Variants in BIRC6 observed in about 807,000 individuals in gnomAD.
BIRC6 encodes dual E2 ubiquitin-conjugating enzyme/E3 ubiquitin-protein ligase BIRC6.
A neutral mutation model predicts 503.3 loss-of-function variants in BIRC6; 98 were observed. The observed-to-expected ratio is 0.19, with a 90% CI of 0.17 to 0.23. The LOEUF (loss-of-function observed/expected upper bound fraction) is 0.23, where lower values mean the gene tolerates loss of function less well. Ranked by LOEUF, BIRC6 falls within the 10% of genes least tolerant of loss-of-function variation. The pLI, the probability that BIRC6 is intolerant of heterozygous loss-of-function variation, is 1.00. For missense variants in BIRC6, 5,360 were observed against 5,806.0 expected, an observed-to-expected ratio of 0.92 and a Z score of 2.50; for synonymous variants, 2,240 against 2,078.7, an observed-to-expected ratio of 1.08 and a Z score of -2.11.
intron 1 of BIRC6, among the ~76,000 whole-genome samples, chr2:32,369,495 T>G (rs1281787403): frequency 2.0e-5 from 3 of 149,340 alleles, no homozygotes; most frequent in Non-Finnish European, 4.5e-5. Flanking sequence ...TAGTGTGATC[T>G]CGGCTCACTA....
chr2:32,415,182 C>T lies in BIRC6; in HGVS notation c.1891C>T (p.Leu631Phe), dbSNP rs1342782505. ...GGTAAGGAGGACTTTACCGGTTTTG[C>T]TTCTTTATAGCATCAAGGAATCTGA... Reference protein sequence around the residue: ...PLVRRTLPVLLLYSIKESDEK... With the variant: ...PLVRRTLPVLFLYSIKESDEK... The change falls in exon 10 of 74, where the codon CTT (leucine) becomes TTT (phenylalanine). Residue 631 changes from leucine (L) to phenylalanine (F), a missense_variant. By Grantham distance (22) the Leu-to-Phe change is conservative. This residue lies in a region of BIRC6 where 700 missense variants were observed against 739.3 expected (regional missense o/e 0.95). Coordinates refer to ENST00000421745, the MANE Select transcript of BIRC6 (RefSeq NM_016252.4). The T allele has an allele frequency of 6.2e-7, 1 of 1,613,988 alleles. No individual in the cohort carries two copies. The highest frequency in any genetic ancestry group is 2.2e-5 in the East Asian group (1 of 44,892).
rs143548814 is a variant in BIRC6 at position 32,423,534 on chromosome 2, A to G, written c.2873-5612A>G. On this transcript the variant is annotated intron_variant, in intron 10 of 73. Coordinates refer to ENST00000421745, the MANE Select transcript of BIRC6 (RefSeq NM_016252.4). The stretch of plus-strand genomic sequence containing the variant: ...ACTTTGCTTATTGTAGATACCTCAT[A>G]TAAGTGGAATCATGTATTTGTCCTT... Among the ~76,000 whole-genome samples the G allele has an allele frequency of 7.6e-3, 1,163 of 152,284 alleles. 8 individuals are homozygous for G. Among genetic ancestry groups the G allele is most frequent in the Middle Eastern group, 0.02 (6 of 294 alleles).
At chr2:32,367,741 G>A (rs1476078326) in intron 1 of BIRC6, among the ~76,000 whole-genome samples, 2 of 152,078 alleles carry the variant, frequency 1.3e-5, no homozygotes, top group East Asian at 1.9e-4. Flanking sequence ...GCTGGAACCC[G>A]GGAGATAGAG....
At position 32,510,575 on chromosome 2, in the gene BIRC6, C is replaced by A. The variant is rs144217384; in HGVS notation, c.10287C>A (p.Asp3429Glu). The change falls in exon 53 of 74, where the codon GAC becomes GAA. Residue 3429 changes from aspartate (D) to glutamate (E), a missense_variant. Coordinates refer to ENST00000421745, the MANE Select transcript of BIRC6 (RefSeq NM_016252.4). ...LFGRLNGLSS[D>E]STIDILYQLG... is the part of the protein sequence containing the mutation. Reference sequence around the variant, plus strand: ...GAAGACTAAATGGACTCTCTTCTGACTCTACGATAGATATTCTTTACCAGC... The same window carrying A: ...GAAGACTAAATGGACTCTCTTCTGAATCTACGATAGATATTCTTTACCAGC... 48 of 1,609,982 alleles carry A rather than the reference C, an allele frequency of 3.0e-5. No homozygotes were observed. The highest frequency in any genetic ancestry group is 3.7e-5 in the Non-Finnish European group (44 of 1,176,450).
chr2:32,424,899 AG>A (rs1235784289), intron 10 of BIRC6, among the ~76,000 whole-genome samples: 1 of 152,122 alleles, frequency 6.6e-6, no homozygotes, highest in African/African-American at 2.4e-5. Flanking sequence ...GAAGGGTCCC[AG>A]TTTTTCTACA....
chr2:32,491,230 G>C (rs2051665433), intron 43 of BIRC6, among the ~76,000 whole-genome samples, 195 bp from the exon 44 acceptor site: 1 of 152,096 alleles, frequency 6.6e-6, no homozygotes, highest in South Asian at 2.1e-4. Flanking sequence ...GAATCAGAAG[G>C]GGGCAGAAGA....
At chr2:32,580,156 G>A (rs1233064307) in intron 66 of BIRC6, among the ~76,000 whole-genome samples, 1 of 152,034 alleles carries the variant, frequency 6.6e-6, no homozygotes, top group Non-Finnish European at 1.5e-5. Context: ...GTTTCACCAT[G>A]TTGGCCAGGC....
chr2:32,522,458 AATT>A (rs2055833493), intron 57 of BIRC6: 1 of 152,202 alleles, frequency 6.6e-6, no homozygotes, highest in Non-Finnish European at 1.5e-5. Context: ...GACTTACTGT[AATT>A]ATTGGTAATT....
chr2:32,395,490 CT>C lies in BIRC6; in HGVS notation c.952-17del. The C allele has an allele frequency of 6.4e-7, 1 of 1,554,136 alleles. No homozygotes were observed. Among genetic ancestry groups the C allele is most frequent in the South Asian group, 1.1e-5 (1 of 87,266 alleles). ...TAATAATGATTTACCTTTTCTGTCT[CT>C]TTTCTTTATAATTTTGCAGCCTGCC... On this transcript the variant is annotated intron_variant, in intron 5 of 73. Transcript: ENST00000421745.
rs2049043366 is a variant in BIRC6, at chr2:32,471,051, G to A, written c.6519G>A (p.Met2173Ile). The A allele has an allele frequency of 6.3e-7, 1 of 1,581,676 alleles. No individual in the cohort carries two copies. Among genetic ancestry groups the A allele is most frequent in the Non-Finnish European group, 8.6e-7 (1 of 1,161,760 alleles). ...TTCCCATGATCAGTTGGGTTGTTAT[G>A]CTGGTGTCCAGGTTGCTGGATTATG... ...LDIPMISWVV[M>I]LVSRLLDYVA... The change falls in exon 32 of 74, where the codon ATG becomes ATA. Residue 2173 changes from methionine (M) to isoleucine (I), a missense_variant. This residue lies in a region of BIRC6 where 2,299 missense variants were observed against 2,267.2 expected (regional missense o/e 1.01). Coordinates refer to ENST00000421745, the MANE Select transcript of BIRC6 (RefSeq NM_016252.4).
intron 66 of BIRC6, among the ~76,000 whole-genome samples, chr2:32,579,831 C>CA (rs2060545130): frequency 6.6e-6 from 1 of 151,270 alleles, no homozygotes; most frequent in African/African-American, 2.4e-5. Flanking sequence ...GGCCTGGTCA[C>CA]AAAATCATTA....
At chr2:32,553,085 T>C (rs192818680) in intron 65 of BIRC6, among the ~76,000 whole-genome samples, 103 of 147,664 alleles carry the variant, frequency 7.0e-4, no homozygotes, top group African/African-American at 2.5e-3. Flanking sequence ...TAATCCCAGC[T>C]ACTTGGGAGG....
At chr2:32,572,723 C>T (rs757706866) in intron 65 of BIRC6, among the ~76,000 whole-genome samples, 2 of 152,052 alleles carry the variant, frequency 1.3e-5, no homozygotes, top group Non-Finnish European at 2.9e-5. Context: ...CTTTCATACT[C>T]AAGTATATGT....
chr2:32,487,539 G>T, intron 40 of BIRC6, 108 bp from the exon 41 acceptor site: 5 of 936,382 alleles, frequency 5.3e-6, no homozygotes, highest in Non-Finnish European at 7.9e-6. Flanking sequence ...TCTAAAGAAT[G>T]CAGTTTTAAT....
At chr2:32,471,168 A>T (rs1029887372) in intron 32 of BIRC6, 44 bp downstream of exon 32, 3 of 1,545,068 alleles carry the variant, frequency 1.9e-6, no homozygotes, top group Non-Finnish European at 2.6e-6. Context: ...GAAGTTTATA[A>T]TAATATGTTG....
In BIRC6 at chr2:32,549,394, A is replaced by G; in HGVS notation, c.13057A>G (p.Ser4353Gly). Residue 4353 changes from serine (S) to glycine (G), a missense_variant, in exon 65 of 74, where the codon AGT (serine) becomes GGT (glycine). Physicochemically the swap from Ser to Gly is moderately conservative, Grantham distance 56. Coordinates refer to ENST00000421745, the MANE Select transcript of BIRC6 (RefSeq NM_016252.4). ...ATCTCATGAGACTAGAGGGCAGAACAGTAATGCCCTTCCTTCTGTACTTCT... is the reference window on the plus strand; with the variant it reads ...ATCTCATGAGACTAGAGGGCAGAACGGTAATGCCCTTCCTTCTGTACTTCT... ...QSSHETRGQN[S>G]NALPSVLLEL... The G allele has an allele frequency of 6.6e-7, 1 of 1,519,720 alleles. No homozygotes were observed. The highest frequency in any genetic ancestry group is 9.0e-7 in the Non-Finnish European group (1 of 1,114,250). 94.1% of individuals were successfully genotyped at this position (1,519,720 alleles called of 1,614,324 possible).
chr2:32,401,107 T>TACAA, intron 6 of BIRC6, 56 bp from the exon 7 acceptor site: 1 of 1,475,482 alleles, frequency 6.8e-7, no homozygotes. Flanking sequence ...TGTTTTAATG[T>TACAA]ACAAACTGAA....
At chr2:32,472,326 C>T (rs1011576134) in intron 32 of BIRC6, among the ~76,000 whole-genome samples, 1 of 152,152 alleles carries the variant, frequency 6.6e-6, no homozygotes, top group African/African-American at 2.4e-5. Flanking sequence ...GCCTCGGCCT[C>T]CCAGAGTGCT....
intron 16 of BIRC6, among the ~76,000 whole-genome samples, chr2:32,440,990 A>G (rs1236378773): frequency 6.6e-6 from 1 of 151,956 alleles, no homozygotes; most frequent in Non-Finnish European, 1.5e-5. Context: ...CGAACTCCTG[A>G]GTTCTGTGAT....
Sources: gnomAD v4.1 joint callset for allele counts (sites outside exome capture counted in the v4.1 genomes callset) on GRCh38, gnomAD v4.1.1 for gene constraint, gnomAD v4.1.1 regional missense constraint, MANE v1.5 for transcripts, NCBI Gene and HGNC (gene_info 2026-07-23, HGNC 2026-07-21) for gene names.